Variants in SCN9A observed in about 807,000 individuals in gnomAD.
SCN9A encodes sodium channel protein type 9 subunit alpha.
SCN9A carries 131 observed loss-of-function variants against 187.0 expected under a neutral mutation model. The observed-to-expected ratio is 0.70, with a 90% CI of 0.61 to 0.81. The LOEUF (loss-of-function observed/expected upper bound fraction) is 0.81. Among genes scored for constraint, SCN9A ranks in the 30% least tolerant of loss-of-function variants. The pLI, the probability that SCN9A is intolerant of heterozygous loss-of-function variation, is 0.00. For synonymous variants in SCN9A, 809 were observed against 808.6 expected (o/e 1.00, Z -0.01); for missense variants, 2,252 against 2,396.6 (o/e 0.94, Z 1.26).
At chr2:166,306,444 G>A (rs1374389449) in intron 4 of SCN9A, 66 bp downstream of exon 4, 3 of 901,878 alleles carry the variant, frequency 3.3e-6, no homozygotes, top group African/African-American at 1.7e-5. Flanking sequence ...TAACTTCCTG[G>A]CAGGAAAAGG....
At chr2:166,245,188 T>G (rs980957972) in intron 18 of SCN9A, among the ~76,000 whole-genome samples, 1 of 151,994 alleles carries the variant, frequency 6.6e-6, no homozygotes, top group Non-Finnish European at 1.5e-5. Context: ...ATGCAAAAGT[T>G]TGGCAAAGTT....
intron 23 of SCN9A, 71 bp from the exon 24 acceptor site, chr2:166,226,775 C>G: frequency 8.2e-7 from 1 of 1,221,666 alleles, no homozygotes. Flanking sequence ...CATGGTTTGA[C>G]CAGGTAATTC....
chr2:166,286,823 A>C (rs1697771231), intron 10 of SCN9A, among the ~76,000 whole-genome samples, 200 bp from the exon 11 acceptor site: 2 of 152,198 alleles, frequency 1.3e-5, no homozygotes, highest in Non-Finnish European at 2.9e-5. Context: ...GGTTGAAATA[A>C]AGCTCTATTG....
At chr2:166,303,050 C>T in intron 7 of SCN9A, 40 bp downstream of exon 7, 1 of 1,351,432 alleles carries the variant, frequency 7.4e-7, no homozygotes, top group East Asian at 2.4e-5. Flanking sequence ...ATGTTTTTAG[C>T]ATTATTTCAA....
Position 166,251,798 on chromosome 2 carries a change from T to C in SCN9A, c.3439A>G (p.Asn1147Asp), listed in dbSNP as rs769521517. The change falls in exon 18 of 27, where the codon AAT (asparagine) becomes GAT (aspartate). Residue 1147 changes from asparagine (N) to aspartate (D), a missense_variant. Physicochemically the swap from Asn to Asp is conservative, Grantham distance 23. Around this residue, in one of 7 missense-constraint regions of SCN9A, gnomAD observed 313 missense variants for 295.3 expected, o/e 1.06. Coordinates refer to ENST00000642356, the MANE Select transcript of SCN9A (RefSeq NM_001365536.1). Reference protein sequence around the residue: ...EGEEAEAEPMNSDEPEACFTD... With the variant: ...EGEEAEAEPMDSDEPEACFTD... ...AAACAGGCCTCTGGCTCATCGGAAT[T>C]CATAGGTTCAGCCTCTGCTTCTTCT... 6.2e-7 allele frequency: 1 copy of C among 1,612,730 alleles called. No individual in the cohort carries two copies. Among genetic ancestry groups the C allele is most frequent in the Non-Finnish European group, 8.5e-7 (1 of 1,179,112 alleles).
intron 1 of SCN9A, among the ~76,000 whole-genome samples, chr2:166,360,219 C>CAAAAAAAAAAAAAAAAAAA (rs1251018524): frequency 4.2e-5 from 1 of 24,042 alleles, no homozygotes; most frequent in African/African-American, 2.5e-4. Flanking sequence ...AACTCTGTCT[C>CAAAAAAAAAAAAAAAAAAA]AAAAAAAAAA....
At chr2:166,211,437 C>G (rs894128023) in intron 24 of SCN9A, among the ~76,000 whole-genome samples, 4 of 151,942 alleles carry the variant, frequency 2.6e-5, no homozygotes, top group Non-Finnish European at 5.9e-5. Context: ...AAGAGCAACA[C>G]AAGAGCATAT....
rs1313420483 is a variant in SCN9A at position 166,198,795 on chromosome 2, G to A, written c.5844C>T (p.Ala1948=). The A allele has an allele frequency of 1.2e-6, 2 of 1,613,098 alleles. No individual in the cohort carries two copies. The highest frequency in any genetic ancestry group is 1.7e-6 in the Non-Finnish European group (2 of 1,179,368). Residue 1948 remains alanine (A), a synonymous_variant, in exon 27 of 27, where the codon GCC becomes GCT. Transcript: ENST00000642356. ...NENSSPEKTD[A]TSSTTSPPSY... The stretch of plus-strand genomic sequence containing the variant: ...AAGGTGGAGAGGTGGTGGATGAAGT[G>A]GCATCTGTTTTTTCTGGACTTGAGT...
At chr2:166,348,464 C>T (rs553217886) in intron 1 of SCN9A, among the ~76,000 whole-genome samples, 10 of 152,100 alleles carry the variant, frequency 6.6e-5, no homozygotes, top group Admixed American at 1.3e-4. Context: ...CTAAATCAAC[C>T]CTAAACCCTT....
chr2:166,296,380 A>C (rs1698302774), intron 7 of SCN9A, among the ~76,000 whole-genome samples: 1 of 152,180 alleles, frequency 6.6e-6, no homozygotes, highest in African/African-American at 2.4e-5. Context: ...TACTTAGAAG[A>C]CACAGATAAA....
chr2:166,275,662 T>C (rs1398759001), intron 16 of SCN9A, among the ~76,000 whole-genome samples: 2 of 151,984 alleles, frequency 1.3e-5, no homozygotes, highest in African/African-American at 2.4e-5. Context: ...ACAAAGAGAA[T>C]GTGCATTTCA....
chr2:166,207,381 T>TCAAA (rs1051937202), intron 24 of SCN9A, among the ~76,000 whole-genome samples: 11 of 152,142 alleles, frequency 7.2e-5, no homozygotes, highest in African/African-American at 2.7e-4. Flanking sequence ...TTCTTATTCA[T>TCAAA]CAAACACCTA....
intron 17 of SCN9A, among the ~76,000 whole-genome samples, chr2:166,252,855 TA>T (rs1402318404): frequency 4.6e-5 from 7 of 151,890 alleles, no homozygotes; most frequent in African/African-American, 1.7e-4. Context: ...AATATTGTTT[TA>T]TAAAGGAGTA....
intron 26 of SCN9A, among the ~76,000 whole-genome samples, chr2:166,202,657 C>T (rs1364727009): frequency 6.6e-6 from 1 of 151,628 alleles, no homozygotes; most frequent in Non-Finnish European, 1.5e-5. Context: ...ATTATTTTAG[C>T]TTTCTTTTAT....
intron 10 of SCN9A, among the ~76,000 whole-genome samples, chr2:166,287,470 A>G (rs1246409936): frequency 3.9e-5 from 6 of 152,150 alleles, no homozygotes; most frequent in Non-Finnish European, 8.8e-5. Context: ...TTATTTTCTA[A>G]TTTTCCAAAA....
At chr2:166,336,455 GGGTGCTTGCTATGGACACCT>G (rs1699630307) in intron 1 of SCN9A, among the ~76,000 whole-genome samples, 1 of 152,110 alleles carries the variant, frequency 6.6e-6, no homozygotes, top group Non-Finnish European at 1.5e-5. Flanking sequence ...GGAGGAAGAA[GGGTGCTTGCTATGGACACCT>G]GGTGGGTAGA....
chr2:166,265,865 T>G (rs1324465623), intron 17 of SCN9A, among the ~76,000 whole-genome samples: 1 of 152,056 alleles, frequency 6.6e-6, no homozygotes, highest in East Asian at 1.9e-4. Flanking sequence ...TGTCTTCTTT[T>G]GAGAAATATC....
chr2:166,265,727 T>C (rs1574832736), intron 17 of SCN9A, among the ~76,000 whole-genome samples: 1 of 152,102 alleles, frequency 6.6e-6, no homozygotes, highest in East Asian at 1.9e-4. Flanking sequence ...TAAACACTTA[T>C]ATCTTTTGAT....
intron 21 of SCN9A, among the ~76,000 whole-genome samples, chr2:166,230,644 C>T (rs895231816): frequency 6.6e-6 from 1 of 152,030 alleles, no homozygotes; most frequent in Non-Finnish European, 1.5e-5. Context: ...TGATGTCTTC[C>T]CAGACTTCCC....
Sources: gnomAD v4.1 joint callset for allele counts (sites outside exome capture counted in the v4.1 genomes callset) on GRCh38, gnomAD v4.1.1 for gene constraint, gnomAD v4.1.1 regional missense constraint, MANE v1.5 for transcripts, NCBI Gene and HGNC (gene_info 2026-07-23, HGNC 2026-07-21) for gene names.